The following RBFOX1 variants were observed in gnomAD, a reference collection of about 807,000 sequenced individuals.
RBFOX1 encodes the protein RNA binding fox-1 homolog 1.
Under a neutral mutation model 57.7 loss-of-function variants are expected in RBFOX1, and 8 were observed. That is an observed-to-expected ratio of 0.14 (90% CI 0.08 to 0.25). The LOEUF is 0.25. Ranked by LOEUF, RBFOX1 falls within the 10% of genes least tolerant of loss-of-function variation. The probability of loss-of-function intolerance (pLI) is 1.00; values close to 1 mark genes in which losing one functional copy is unlikely to be tolerated. For missense variants in RBFOX1, 611 were observed against 548.5 expected (o/e 1.11, Z -1.14); for synonymous variants, 326 against 222.4 (o/e 1.47, Z -4.15).
intron 1 of RBFOX1, among the ~76,000 whole-genome samples, chr16:6,022,099 C>T (rs150347602): frequency 6.6e-6 from 1 of 152,292 alleles, no homozygotes; most frequent in African/African-American, 2.4e-5. Context: ...AAGCTGCCCA[C>T]CCACTGGCCA....
chr16:7,298,149 ATGCATGTCCTGTACC>A (rs2095939871), intron 4 of RBFOX1, among the ~76,000 whole-genome samples: 1 of 152,138 alleles, frequency 6.6e-6, no homozygotes, highest in Non-Finnish European at 1.5e-5. Context: ...GGTGCATTGC[ATGCATGTCCTGTACC>A]TTGTTTTATT....
chr16:7,209,385 T>C (rs2090661313), intron 4 of RBFOX1, among the ~76,000 whole-genome samples: 1 of 152,152 alleles, frequency 6.6e-6, no homozygotes, highest in Non-Finnish European at 1.5e-5. Flanking sequence ...GGACACCAGT[T>C]AGATTAGATT....
chr16:6,507,409 G>C (rs1203117135), intron 2 of RBFOX1, among the ~76,000 whole-genome samples: 1 of 144,910 alleles, frequency 6.9e-6, no homozygotes, highest in Non-Finnish European at 1.5e-5. Context: ...GGAGGCTAAT[G>C]CCTGTAATCC....
intron 1 of RBFOX1, among the ~76,000 whole-genome samples, chr16:5,298,528 TTCCTCTCCCCTCCCTTCCCCTCCCC>T (rs2063726849): frequency 1.5e-4 from 2 of 13,060 alleles, no homozygotes; most frequent in African/African-American, 1.0e-3. Flanking sequence ...CTCCCCTCCC[TTCCTCTCCCCTCCCTTCCCCTCCCC>T]TCCCCTCCCC....
intron 4 of RBFOX1, among the ~76,000 whole-genome samples, chr16:7,485,534 G>A (rs910908118): frequency 6.6e-6 from 1 of 152,108 alleles, no homozygotes; most frequent in East Asian, 1.9e-4. Context: ...CTGAGGATGT[G>A]GCCTTTGTCT....
chr16:6,638,329 G>C (rs943078352), intron 2 of RBFOX1, among the ~76,000 whole-genome samples: 1 of 151,974 alleles, frequency 6.6e-6, no homozygotes, highest in Non-Finnish European at 1.5e-5. Context: ...ATAAGTTACT[G>C]GTAAATCGCA....
Position 6,931,425 on chromosome 16 carries a change from A to G in RBFOX1, c.-15-120632A>G, listed in dbSNP as rs145896316. The stretch of plus-strand genomic sequence containing the variant: ...TATGTGTGCATGAACCACTAAAGGC[A>G]TAATAAACGTCTGCTGCCTTGGACC... On this transcript the variant is annotated intron_variant, in intron 3 of 15. Transcript: ENST00000550418. 5.9e-3 allele frequency among the ~76,000 whole-genome samples: 891 copies of G among 152,188 alleles called. 7 individuals are homozygous for G. The highest frequency in any genetic ancestry group is 0.027 in the Middle Eastern group (8 of 294).
In RBFOX1 at chr16:5,569,452, T is replaced by TTTTTC. The variant is rs1567240745; in HGVS notation, c.259-29446_259-29445insCTTTT. 2.7e-5 allele frequency among the ~76,000 whole-genome samples: 3 copies of TTTTTC among 111,704 alleles called. No individual in the cohort carries two copies. In the East Asian group the frequency reaches 6.7e-4, roughly 25 times the overall value. The allele number at this position is 111,704 out of a possible 152,430, so 73.3% of individuals were successfully genotyped here. On this transcript the variant is annotated intron_variant, in intron 2 of 2. Coordinates refer to the RBFOX1 transcript ENST00000585867. Reference sequence around the variant, plus strand: ...TAAGAAGTAACCTTTTTTTTTTTTTTTTTTTTTTTTTTTTTCTTCTTCTTT... The same window carrying TTTTTC: ...TAAGAAGTAACCTTTTTTTTTTTTTTTTTTCTTTTTTTTTTTTTTTCTTCTTCTTT...
At chr16:7,504,750 TA>T (rs2072452866) in intron 4 of RBFOX1, among the ~76,000 whole-genome samples, 17 of 6,596 alleles carry the variant, frequency 2.6e-3, no homozygotes, top group South Asian at 0.012. Flanking sequence ...TATATATATA[TA>T]TATTTATATA....
chr16:5,709,750 A>C (rs2051382700), intron 3 of RBFOX1, among the ~76,000 whole-genome samples: 1 of 136,658 alleles, frequency 7.3e-6, no homozygotes, highest in African/African-American at 2.8e-5. Context: ...TGAGATCTTT[A>C]CACCAATATC....
intron 2 of RBFOX1, among the ~76,000 whole-genome samples, chr16:6,639,223 T>C (rs974828297): frequency 3.3e-5 from 5 of 152,258 alleles, no homozygotes; most frequent in African/African-American, 1.2e-4. Context: ...GGCATAAATC[T>C]TGGACTGCCC....
At chr16:5,732,262 A>T (rs1209802778) in intron 3 of RBFOX1, among the ~76,000 whole-genome samples, 2 of 152,174 alleles carry the variant, frequency 1.3e-5, no homozygotes, top group African/African-American at 4.8e-5. Flanking sequence ...GTAAATCATC[A>T]GTGGAGTTGG....
At chr16:6,536,478 C>T (rs60697954) in intron 2 of RBFOX1, among the ~76,000 whole-genome samples, 342 of 152,164 alleles carry the variant, frequency 2.2e-3, no homozygotes, top group African/African-American at 7.9e-3. Context: ...AATTCCGTAT[C>T]ATCAGAGTAA....
intron 4 of RBFOX1, among the ~76,000 whole-genome samples, chr16:5,940,181 T>C (rs1050324797): frequency 3.3e-5 from 5 of 152,226 alleles, no homozygotes; most frequent in Non-Finnish European, 7.3e-5. Context: ...ATTGGAATGA[T>C]GGAGACACTA....
At chr16:6,650,974 C>A (rs1375135643) in intron 2 of RBFOX1, among the ~76,000 whole-genome samples, 1 of 152,204 alleles carries the variant, frequency 6.6e-6, no homozygotes, top group East Asian at 1.9e-4. Flanking sequence ...ATGATCCCGG[C>A]TTACTGCATC....
intron 11 of RBFOX1, among the ~76,000 whole-genome samples, chr16:7,644,565 C>A (rs1352172049): frequency 6.6e-6 from 1 of 152,166 alleles, no homozygotes; most frequent in African/African-American, 2.4e-5. Context: ...TGAGGATTGC[C>A]ACCCATTTTC....
chr16:6,957,542 A>G (rs542436226), intron 3 of RBFOX1, among the ~76,000 whole-genome samples: 130 of 152,070 alleles, frequency 8.5e-4, no homozygotes, highest in African/African-American at 2.9e-3. Flanking sequence ...AGCAGTGGGG[A>G]CGATCAGAGG....
At chr16:6,883,303 T>C (rs1344663247) in intron 3 of RBFOX1, among the ~76,000 whole-genome samples, 1 of 152,216 alleles carries the variant, frequency 6.6e-6, no homozygotes. Context: ...CTACTTTTTG[T>C]TGGAGCCCCT....
chr16:6,126,330 A>T lies in RBFOX1; in HGVS notation c.-127+106338A>T, dbSNP rs530310291. On this transcript the variant is annotated intron_variant, in intron 1 of 15. Transcript: ENST00000550418. ...CCTCTCTTACCTTCCTACTGGTGCC[A>T]TGAAATTCACTTTCTGGCAGTCATC... 3.3e-5 allele frequency among the ~76,000 whole-genome samples: 5 copies of T among 152,352 alleles called. No individual in the cohort carries two copies. In the South Asian group the frequency reaches 1.0e-3, roughly 32 times the overall value.
Sources: gnomAD v4.1 joint callset for allele counts (sites outside exome capture counted in the v4.1 genomes callset) on GRCh38, gnomAD v4.1.1 for gene constraint, MANE v1.5 for transcripts, NCBI Gene and HGNC (gene_info 2026-07-23, HGNC 2026-07-21) for gene names.